SYNE2: variants seen among roughly 807,000 people sequenced by gnomAD.
SYNE2 encodes the protein spectrin repeat containing nuclear envelope protein 2, also known as nesprin-2.
In SYNE2, 431 loss-of-function variants were observed where a neutral mutation model predicts 856.3. The observed-to-expected ratio is 0.50, with a 90% CI of 0.47 to 0.55. SYNE2 has a LOEUF of 0.55. Ranked by LOEUF, SYNE2 falls within the 20% of genes least tolerant of loss-of-function variation. SYNE2 has a pLI of 0.00. For synonymous variants in SYNE2, 2,923 were observed against 2,872.3 expected, an observed-to-expected ratio of 1.02 and a Z score of -0.56; for missense variants, 8,129 against 8,023.2, an observed-to-expected ratio of 1.01 and a Z score of -0.50.
At chr14:63,761,793 C>T (rs1222734697), upstream of SYNE2, among the ~76,000 whole-genome samples, 1 of 152,182 alleles carries the variant, frequency 6.6e-6, no homozygotes, top group Non-Finnish European at 1.5e-5. Context: ...TTTGGGATAG[C>T]ACGTCATGAA....
chr14:63,990,875 T>A, intron 20 of SYNE2, 67 bp from the exon 21 acceptor site: 1 of 1,311,722 alleles, frequency 7.6e-7, no homozygotes, highest in Non-Finnish European at 1.1e-6. Flanking sequence ...TAACAAAGTA[T>A]TTGTTAACTT....
At chr14:64,161,359 G>T (rs2098328295) in intron 87 of SYNE2, among the ~76,000 whole-genome samples, 1 of 150,674 alleles carries the variant, frequency 6.6e-6, no homozygotes, top group Admixed American at 6.6e-5. Flanking sequence ...AAAAAAAAAA[G>T]TAGGGAAGAA....
At chr14:63,969,604 G>A (rs2096448623) in intron 11 of SYNE2, among the ~76,000 whole-genome samples, 1 of 151,980 alleles carries the variant, frequency 6.6e-6, no homozygotes, top group Non-Finnish European at 1.5e-5. Context: ...GCCTCCCAAA[G>A]TGCTAGGATT....
At chr14:64,140,830 A>G (rs751317840) in intron 80 of SYNE2, among the ~76,000 whole-genome samples, 4 of 152,148 alleles carry the variant, frequency 2.6e-5, no homozygotes, top group African/African-American at 7.2e-5. Context: ...CTCTTGTAAT[A>G]TAATTACAAA....
rs773610202 is a variant in SYNE2 at position 64,202,901 on chromosome 14, A to C, written c.18139A>C (p.Lys6047Gln). The C allele has an allele frequency of 6.2e-7, 1 of 1,614,216 alleles. No homozygotes were observed. Among genetic ancestry groups the C allele is most frequent in the East Asian group, 2.2e-5 (1 of 44,886 alleles). The change falls in exon 100 of 116, where the codon AAG becomes CAG. Residue 6047 changes from lysine (K) to glutamine (Q), a missense_variant. Physicochemically the swap from Lys to Gln is moderately conservative, Grantham distance 53. This residue lies in a region of SYNE2 where 5,410 missense variants were observed against 5,284.8 expected (regional missense o/e 1.02). Transcript: ENST00000555002. Reference protein sequence around the residue: ...WLARIESELSKPVVYDVCDDQ... With the variant: ...WLARIESELSQPVVYDVCDDQ... ...GGCTCGAATTGAGTCTGAGCTTTCC[A>C]AGCCTGTTGTTTATGATGTCTGCGA... is the stretch of plus-strand genomic sequence containing the variant.
chr14:63,785,567 A>G (rs1340569643), intron 1 of SYNE2, among the ~76,000 whole-genome samples: 2 of 152,192 alleles, frequency 1.3e-5, no homozygotes, highest in Admixed American at 6.6e-5. Flanking sequence ...TGAAGTAATT[A>G]TGGTCTATTT....
chr14:64,150,238 G>T (rs1200299927), intron 84 of SYNE2, among the ~76,000 whole-genome samples: 1 of 131,872 alleles, frequency 7.6e-6, no homozygotes, highest in Non-Finnish European at 1.6e-5. Context: ...GGAGTTTTCA[G>T]TGAGCCGAGA....
At chr14:64,130,858 C>CT (rs766877673) in intron 76 of SYNE2, among the ~76,000 whole-genome samples, 6 of 148,234 alleles carry the variant, frequency 4.0e-5, no homozygotes, top group Non-Finnish European at 7.4e-5. Context: ...GCACTCCAGC[C>CT]TGGCGACACA....
At chr14:63,775,527 C>T (rs908418186) in intron 1 of SYNE2, among the ~76,000 whole-genome samples, 41 of 152,244 alleles carry the variant, frequency 2.7e-4, no homozygotes, top group Admixed American at 4.6e-4. Flanking sequence ...CTACCTGCCT[C>T]GGCCTCCCAA....
intron 45 of SYNE2, among the ~76,000 whole-genome samples, chr14:64,043,474 C>G (rs993730530): frequency 5.3e-5 from 8 of 149,640 alleles, no homozygotes; most frequent in African/African-American, 2.0e-4. Flanking sequence ...GCAGCCCCTC[C>G]CATCACAGGC....
At chr14:64,174,802 A>G (rs909030455) in intron 94 of SYNE2, 142 bp from the exon 95 acceptor site, 9 of 695,730 alleles carry the variant, frequency 1.3e-5, no homozygotes, top group Non-Finnish European at 2.0e-5. Context: ...GTGTGTGTGT[A>G]TGTACATTCT....
intron 11 of SYNE2, among the ~76,000 whole-genome samples, chr14:63,970,782 A>G (rs1464458521): frequency 6.7e-6 from 1 of 149,102 alleles, no homozygotes; most frequent in Non-Finnish European, 1.5e-5. Context: ...CCTACCGAGT[A>G]GCTGGGATTA....
chr14:64,031,382 A>C, intron 45 of SYNE2, 25 bp downstream of exon 45: 2 of 1,595,532 alleles, frequency 1.3e-6, no homozygotes, highest in Non-Finnish European at 1.7e-6. Context: ...TTGCACTTTC[A>C]AGACAGTGAG....
chr14:63,889,197 G>T (rs2095069983), intron 1 of SYNE2, among the ~76,000 whole-genome samples: 2 of 150,768 alleles, frequency 1.3e-5, no homozygotes, highest in South Asian at 4.2e-4. Context: ...ACTTTTATAA[G>T]CTCCTCTTTT....
Position 64,143,855 on chromosome 14 carries a change from A to G in SYNE2, c.15390A>G (p.Val5130=), listed in dbSNP as rs762242590. ...QSLLQLSTCD[V]ESKRYERTEF... ...TACTTCAGCTAAGCACCTGTGATGT[A>G]GAAAGCAAGCGCTATGAAAGAACGG... Residue 5130 remains valine, a synonymous_variant, in exon 83 of 116, where the codon GTA becomes GTG. Coordinates refer to ENST00000555002, the MANE Select transcript of SYNE2 (RefSeq NM_182914.3). 1 of 1,614,240 alleles carries G rather than the reference A, an allele frequency of 6.2e-7. No homozygotes were observed. Among genetic ancestry groups the G allele is most frequent in the Non-Finnish European group, 8.5e-7 (1 of 1,180,032 alleles).
At chr14:64,139,584 G>A (rs2098124620) in intron 79 of SYNE2, among the ~76,000 whole-genome samples, 1 of 151,604 alleles carries the variant, frequency 6.6e-6, no homozygotes, top group Admixed American at 6.6e-5. Flanking sequence ...GGTATTTTCT[G>A]TATTTTTTAG....
chr14:63,889,320 A>T (rs1390883522), intron 1 of SYNE2, among the ~76,000 whole-genome samples: 3 of 152,132 alleles, frequency 2.0e-5, no homozygotes, highest in Non-Finnish European at 4.4e-5. Flanking sequence ...CAGTATTTTT[A>T]AAAATCCTCT....
intron 85 of SYNE2, among the ~76,000 whole-genome samples, chr14:64,153,460 T>C (rs2098261078): frequency 6.6e-6 from 1 of 152,224 alleles, no homozygotes; most frequent in Non-Finnish European, 1.5e-5. Flanking sequence ...GAACCTTCAT[T>C]GTGGGTTGTC....
chr14:64,150,265 A>ATGGG (rs2098228486), intron 84 of SYNE2, among the ~76,000 whole-genome samples: 1 of 124,240 alleles, frequency 8.0e-6, no homozygotes, highest in South Asian at 2.9e-4. Context: ...CTACTGCAGC[A>ATGGG]TGGGTGACAG....
Sources: allele counts gnomAD v4.1 joint callset (sites outside exome capture counted in the v4.1 genomes callset), GRCh38; gene constraint gnomAD v4.1.1; regional missense constraint gnomAD v4.1.1; transcripts MANE v1.5; gene names NCBI Gene and HGNC (gene_info 2026-07-23, HGNC 2026-07-21).